CSMD1: variants seen among roughly 807,000 people sequenced by gnomAD.
CSMD1 encodes CUB and sushi domain-containing protein 1.
In CSMD1, 213 loss-of-function variants were observed where a neutral mutation model predicts 417.5. The ratio of observed to expected loss-of-function variants is 0.51; its 90% CI spans 0.46 to 0.57. CSMD1 has a LOEUF of 0.57. Ranked by LOEUF, CSMD1 falls within the 20% of genes least tolerant of loss-of-function variation. The pLI is 0.00. For missense variants in CSMD1, 6,923 were observed against 4,529.7 expected, an observed-to-expected ratio of 1.53 and a Z score of -15.17; for synonymous variants, 2,862 against 1,736.8, an observed-to-expected ratio of 1.65 and a Z score of -16.11.
chr8:4,198,572 G>T (rs1040672176), intron 3 of CSMD1, among the ~76,000 whole-genome samples: 9 of 152,130 alleles, frequency 5.9e-5, no homozygotes, highest in Non-Finnish European at 1.5e-5. Context: ...ACGTGCACAA[G>T]GAATTTTTCA....
chr8:3,101,815 T>C (rs1344087453), intron 46 of CSMD1, among the ~76,000 whole-genome samples: 7 of 148,128 alleles, frequency 4.7e-5, no homozygotes, highest in Non-Finnish European at 7.5e-5. Context: ...TTTTTTTTTT[T>C]TTTTTAGACA....
At chr8:4,673,413 C>T (rs1563114410) in intron 1 of CSMD1, among the ~76,000 whole-genome samples, 1 of 152,152 alleles carries the variant, frequency 6.6e-6, no homozygotes, top group Non-Finnish European at 1.5e-5. Context: ...GATTATCCTC[C>T]TTTCCAACCT....
intron 2 of CSMD1, among the ~76,000 whole-genome samples, chr8:4,440,897 T>A (rs1246349274): frequency 6.6e-6 from 1 of 151,098 alleles, no homozygotes; most frequent in East Asian, 2.0e-4. Flanking sequence ...CTTGGGAGAC[T>A]GAGGCATGAG....
At chr8:3,459,645 C>G (rs905284583) in intron 12 of CSMD1, among the ~76,000 whole-genome samples, 3 of 152,082 alleles carry the variant, frequency 2.0e-5, no homozygotes, top group Non-Finnish European at 4.4e-5. Flanking sequence ...CCGGACGGTC[C>G]AGGGGAGGTG....
At chr8:3,307,944 C>G in intron 24 of CSMD1, 123 bp from the exon 25 acceptor site, 2 of 1,078,798 alleles carry the variant, frequency 1.9e-6, no homozygotes, top group South Asian at 1.7e-5. Context: ...GAATCACCAT[C>G]ATCTCTCTCT....
At chr8:4,248,394 C>G (rs931407907) in intron 3 of CSMD1, among the ~76,000 whole-genome samples, 36 of 152,236 alleles carry the variant, frequency 2.4e-4, no homozygotes, top group Middle Eastern at 6.8e-3. Flanking sequence ...GCTGGTGAAA[C>G]TATCATGGCG....
chr8:3,276,954 T>C (rs17391801), intron 26 of CSMD1, among the ~76,000 whole-genome samples: 8,340 of 152,230 alleles, frequency 0.055, 312 homozygotes, highest in South Asian at 0.082. Flanking sequence ...AGCACTATTA[T>C]AGAAGTATAA....
At chr8:4,434,945 C>G (rs773361609) in intron 2 of CSMD1, among the ~76,000 whole-genome samples, 3 of 152,108 alleles carry the variant, frequency 2.0e-5, no homozygotes, top group Non-Finnish European at 4.4e-5. Flanking sequence ...GATGTTAAAA[C>G]CAATTATTTC....
chr8:4,314,617 AC>A (rs1798816640), intron 3 of CSMD1, among the ~76,000 whole-genome samples: 1 of 152,076 alleles, frequency 6.6e-6, no homozygotes, highest in Non-Finnish European at 1.5e-5. Flanking sequence ...ACACACACAC[AC>A]ACACACACAA....
intron 26 of CSMD1, among the ~76,000 whole-genome samples, chr8:3,261,747 G>A (rs1188322600): frequency 6.6e-6 from 1 of 152,056 alleles, no homozygotes; most frequent in Non-Finnish European, 1.5e-5. Flanking sequence ...AGGCCAGTCC[G>A]AGAGACGACA....
chr8:3,242,622 G>T (rs1235442688), intron 26 of CSMD1, among the ~76,000 whole-genome samples: 2 of 152,046 alleles, frequency 1.3e-5, no homozygotes, highest in Non-Finnish European at 2.9e-5. Context: ...TAGGTTTTAG[G>T]TCAGGTGACA....
intron 1 of CSMD1, among the ~76,000 whole-genome samples, chr8:4,751,930 C>A (rs959852293): frequency 1.3e-5 from 2 of 151,898 alleles, no homozygotes; most frequent in African/African-American, 2.4e-5. Context: ...CAGGAAGATC[C>A]ATGTAATCTG....
chr8:4,093,806 C>G (rs930315833), intron 3 of CSMD1, among the ~76,000 whole-genome samples: 1 of 151,970 alleles, frequency 6.6e-6, no homozygotes, highest in African/African-American at 2.4e-5. Context: ...ACTAAAAATA[C>G]AAAAAGTAGC....
chr8:4,192,334 G>T (rs1255366381), intron 3 of CSMD1, among the ~76,000 whole-genome samples: 2 of 152,126 alleles, frequency 1.3e-5, no homozygotes, highest in Non-Finnish European at 2.9e-5. Context: ...GCTTCAGGAG[G>T]AGCTATAATC....
rs182165964 is a variant in CSMD1 at position 4,305,610 on chromosome 8, C to G, written c.415+114343G>C. On this transcript the variant is annotated intron_variant, in intron 3 of 69. Transcript: ENST00000635120. ...AAAAATTAACCTTTCAATACAGAAT[C>G]CACGTAAGACCGTTTTAGCTGAAGG... Among the ~76,000 whole-genome samples, 7 of 152,274 alleles carry G rather than the reference C, an allele frequency of 4.6e-5. 1 individual carries two copies. The highest frequency in any genetic ancestry group is 1.7e-4 in the African/African-American group (7 of 41,562).
At chr8:3,026,579 C>T (rs1045364581) in intron 51 of CSMD1, among the ~76,000 whole-genome samples, 3 of 152,062 alleles carry the variant, frequency 2.0e-5, no homozygotes, top group Non-Finnish European at 4.4e-5. Context: ...CCGGACCTCA[C>T]TGGGCTTGAC....
At chr8:4,779,500 C>T (rs1226594659) in intron 1 of CSMD1, among the ~76,000 whole-genome samples, 2 of 151,960 alleles carry the variant, frequency 1.3e-5, no homozygotes, top group Non-Finnish European at 2.9e-5. Flanking sequence ...TATGCAGAGT[C>T]CTAAACCCAA....
rs149792004 is a variant in CSMD1, at chr8:4,399,351, C to T, written c.415+20602G>A. 6.4e-4 allele frequency among the ~76,000 whole-genome samples: 98 copies of T among 152,234 alleles called. 1 individual carries two copies. In the East Asian group the frequency reaches 0.013, roughly 20 times the overall value. On this transcript the variant is annotated intron_variant, in intron 3 of 69. Transcript: ENST00000635120. ...AAACAATACACCATATAGTGAAGTA[C>T]TAAATTACAGAATAAAATAATTAGA...
chr8:3,918,218 G>A (rs1808961643), intron 5 of CSMD1, among the ~76,000 whole-genome samples: 1 of 152,040 alleles, frequency 6.6e-6, no homozygotes, highest in East Asian at 1.9e-4. Context: ...ACCTGGAAGT[G>A]GGGATTGCTG....
Sources: allele counts gnomAD v4.1 joint callset (sites outside exome capture counted in the v4.1 genomes callset), GRCh38; gene constraint gnomAD v4.1.1; transcripts MANE v1.5; gene names NCBI Gene and HGNC (gene_info 2026-07-23, HGNC 2026-07-21).